The following KATNB1 variants were observed in gnomAD, a reference collection of about 807,000 sequenced individuals.
KATNB1 encodes katanin p80 WD40 repeat-containing subunit B1.
A neutral mutation model predicts 82.3 loss-of-function variants in KATNB1; 38 were observed. That is an observed-to-expected ratio of 0.46 (90% CI 0.36 to 0.61). KATNB1 has a LOEUF of 0.61. Ranked by LOEUF, KATNB1 falls within the 20% of genes least tolerant of loss-of-function variation. KATNB1 has a pLI of 0.00. For synonymous variants in KATNB1, 361 were observed against 368.7 expected, an observed-to-expected ratio of 0.98 and a Z score of 0.24; for missense variants, 749 against 915.7, an observed-to-expected ratio of 0.82 and a Z score of 2.35.
rs533002583 is a variant in KATNB1, at chr16:57,741,801, A to T, written c.155A>T (p.Lys52Met). 6 of 1,613,528 alleles carry T rather than the reference A, an allele frequency of 3.7e-6. No individual in the cohort carries two copies. In the African/African-American group the frequency reaches 8.0e-5, roughly 21 times the overall value. ...DCRVNLWSIN[K>M]PNCIMSLTGH... ...CGCGTCAACCTGTGGTCCATCAACA[A>T]GCCCAACTGCATCATGGTGAGCCCC... Residue 52 changes from lysine (K) to methionine (M), a missense_variant, in exon 3 of 20, where the codon AAG (lysine) becomes ATG (methionine). Physicochemically the swap from Lys to Met is moderately conservative, Grantham distance 95. Coordinates refer to ENST00000379661, the MANE Select transcript of KATNB1 (RefSeq NM_005886.3).
chr16:57,751,786 C>A lies in KATNB1; in HGVS notation c.516+62C>A. ...GCTGGGGTCTGCTGATCACAGCAGG[C>A]TGAGTCCTCACCTCCCTCCTGATCG... is the stretch of plus-strand genomic sequence containing the variant. On this transcript the variant is annotated intron_variant, in intron 7 of 19. Coordinates refer to ENST00000379661, the MANE Select transcript of KATNB1 (RefSeq NM_005886.3). This position sits in a 1 kb window ranked among gnomAD's most constrained non-coding sequence, Gnocchi z 6.3. The A allele has an allele frequency of 6.6e-7, 1 of 1,524,284 alleles. No homozygotes were observed. Among genetic ancestry groups the A allele is most frequent in the Non-Finnish European group, 9.0e-7 (1 of 1,107,770 alleles). The allele number at this position is 1,524,284 out of a possible 1,614,324, so 94.4% of individuals were successfully genotyped here. A position where few individuals can be genotyped will look rare whatever the true frequency, so the allele number is the denominator to read the frequency against.
chr16:57,756,571 C>T (rs910606112), intron 19 of KATNB1, 99 bp downstream of exon 19: 12 of 1,245,512 alleles, frequency 9.6e-6, no homozygotes, highest in African/African-American at 3.0e-5. Flanking sequence ...CCTGCTGGGA[C>T]AGAGTACAGA....
chr16:57,753,419 C>T lies in KATNB1; in HGVS notation c.1077C>T (p.Arg359=), dbSNP rs781897761. ...RVKQNSESER[R]SPSSEDDRDE... is the part of the protein sequence containing the mutation. ...AGCAGAACTCAGAGAGCGAGCGCCG[C>T]AGCCCCAGCAGCGAGGATGACCGGG... Residue 359 remains arginine (R), a synonymous_variant, in exon 12 of 20, where the codon CGC becomes CGT. Coordinates refer to ENST00000379661, the MANE Select transcript of KATNB1 (RefSeq NM_005886.3). 5 of 1,612,788 alleles carry T rather than the reference C, an allele frequency of 3.1e-6. No individual in the cohort carries two copies. The highest frequency in any genetic ancestry group is 1.3e-5 in the African/African-American group (1 of 74,928).
intron 2 of KATNB1, among the ~76,000 whole-genome samples, chr16:57,739,372 G>A (rs1176240720): frequency 6.6e-6 from 1 of 152,206 alleles, no homozygotes; most frequent in African/African-American, 2.4e-5. Flanking sequence ...TTGAAACCTA[G>A]TACTTTGTAT....
Position 57,755,181 on chromosome 16 carries a change from C to T in KATNB1, c.1359C>T (p.Ala453=). ...CACCTGCACCCAAGGCTGAGCCTGC[C>T]ATCATCCCTGCCACCCGGAACGAGC... ...ASTPAPKAEP[A]IIPATRNEPI... Residue 453 remains alanine, a synonymous_variant, in exon 15 of 20, where the codon GCC becomes GCT. Transcript: ENST00000379661. 1.2e-6 allele frequency: 2 copies of T among 1,612,498 alleles called. No homozygotes were observed. The highest frequency in any genetic ancestry group is 8.5e-7 in the Non-Finnish European group (1 of 1,179,944).
Position 57,756,066 on chromosome 16 carries a change from G to A in KATNB1, c.1718G>A (p.Ser573Asn). ...IEKLLQSKYE[S>N]YVQTGCTSLK... ...AAGCTTCTGCAGAGCAAGTATGAGA[G>A]GTGCGTGTGGGGAAGCCATGCCTGC... is the stretch of plus-strand genomic sequence containing the variant. The change falls in exon 18 of 20, where the codon AGC becomes AAC. Residue 573 changes from serine to asparagine, a missense_variant and splice_region_variant. Physicochemically the swap from Ser to Asn is conservative, Grantham distance 46. This residue lies in a region of KATNB1 where 95 missense variants were observed against 131.6 expected (regional missense o/e 0.72). Coordinates refer to ENST00000379661, the MANE Select transcript of KATNB1 (RefSeq NM_005886.3). The A allele has an allele frequency of 6.2e-7, 1 of 1,605,402 alleles. No homozygotes were observed. The highest frequency in any genetic ancestry group is 8.5e-7 in the Non-Finnish European group (1 of 1,179,922).
At chr16:57,738,519 G>C (rs146150734) in intron 2 of KATNB1, among the ~76,000 whole-genome samples, 141 of 152,282 alleles carry the variant, frequency 9.3e-4, no homozygotes, top group African/African-American at 3.1e-3. Context: ...GCCTCCCAAA[G>C]TGCTGGGATG....
intron 10 of KATNB1, 60 bp from the exon 11 acceptor site, chr16:57,753,017 G>C: frequency 1.9e-6 from 3 of 1,588,736 alleles, no homozygotes; most frequent in Non-Finnish European, 2.6e-6. Flanking sequence ...CCCCCACACT[G>C]GGGCTGGGAT....
In KATNB1 at chr16:57,755,931, G is replaced by C; in HGVS notation, c.1643+14G>C. 3 of 1,605,570 alleles carry C rather than the reference G, an allele frequency of 1.9e-6. No homozygotes were observed. The highest frequency in any genetic ancestry group is 2.6e-6 in the Non-Finnish European group (3 of 1,173,792). On this transcript the variant is annotated intron_variant, in intron 17 of 19. Transcript: ENST00000379661. ...CAACCAGAAAGCGTAAGTGGCTGCA[G>C]AGGGGGAGTGGGCGGAGGGGCAGGG...
intron 18 of KATNB1, 41 bp downstream of exon 18, chr16:57,756,107 G>A (rs2049275137): frequency 6.3e-7 from 1 of 1,593,372 alleles, no homozygotes; most frequent in African/African-American, 1.3e-5. Context: ...GCAGGGGGAG[G>A]GGAGAGGTAA....
At chr16:57,752,490 G>A in intron 8 of KATNB1, 40 bp from the exon 9 acceptor site, 3 of 1,539,882 alleles carry the variant, frequency 1.9e-6, no homozygotes, top group East Asian at 4.8e-5. Flanking sequence ...AGGCCAGGAT[G>A]AGGGATAGGC....
At chr16:57,741,383 A>C (rs200538104) in intron 2 of KATNB1, among the ~76,000 whole-genome samples, 6 of 152,264 alleles carry the variant, frequency 3.9e-5, no homozygotes, top group Non-Finnish European at 8.8e-5. Flanking sequence ...TCAATTTTAA[A>C]AATTGCGTAT....
chr16:57,740,212 C>T (rs781959060), intron 2 of KATNB1, among the ~76,000 whole-genome samples: 1 of 152,204 alleles, frequency 6.6e-6, no homozygotes, highest in Non-Finnish European at 1.5e-5. Context: ...GAACTCCCAG[C>T]GCCCTGGCCC....
Position 57,752,817 on chromosome 16 carries a change from C to T in KATNB1, c.744C>T (p.Ser248=), listed in dbSNP as rs782781532. 1.7e-5 allele frequency: 28 copies of T among 1,610,748 alleles called. No homozygotes were observed. Among genetic ancestry groups the T allele is most frequent in the Admixed American group, 3.3e-5 (2 of 59,864 alleles). Residue 248 remains serine (S), a synonymous_variant, in exon 10 of 20, where the codon AGC becomes AGT. Coordinates refer to ENST00000379661, the MANE Select transcript of KATNB1 (RefSeq NM_005886.3). ...LFNPDGCCLY[S]GCQDSLRVYG... ...ACCCAGACGGCTGCTGCCTGTACAG[C>T]GGCTGCCAGGACTCACTGCGTGTCT... is the stretch of plus-strand genomic sequence containing the variant.
intron 2 of KATNB1, 92 bp from the exon 3 acceptor site, chr16:57,741,595 G>A (rs1192577156): frequency 2.1e-6 from 3 of 1,408,014 alleles, no homozygotes; most frequent in Non-Finnish European, 2.9e-6. Context: ...TGGGCTTCAG[G>A]TTCCAAAGCG....
rs781911609 is a variant in KATNB1 at position 57,753,514 on chromosome 16, G to C, written c.1172G>C (p.Ser391Thr). The C allele has an allele frequency of 1.2e-5, 19 of 1,612,958 alleles. No individual in the cohort carries two copies. The highest frequency in any genetic ancestry group is 1.4e-5 in the Non-Finnish European group (17 of 1,179,850). Reference protein sequence around the residue: ...DYNEIFQPKNSISRTPPRRSE... With the variant: ...DYNEIFQPKNTISRTPPRRSE... Reference sequence around the variant, plus strand: ...AACGAGATCTTCCAGCCCAAGAACAGCATCAGTGAGGCCGGGCTCCCGCCC... The same window carrying C: ...AACGAGATCTTCCAGCCCAAGAACACCATCAGTGAGGCCGGGCTCCCGCCC... Residue 391 changes from serine (S) to threonine (T), a missense_variant, in exon 12 of 20, where the codon AGC (serine) becomes ACC (threonine). Transcript: ENST00000379661.
chr16:57,751,024 T>A lies in KATNB1; in HGVS notation c.390+97T>A. On this transcript the variant is annotated intron_variant, in intron 5 of 19. Coordinates refer to ENST00000379661, the MANE Select transcript of KATNB1 (RefSeq NM_005886.3). The surrounding 1 kb of genome is among the most constrained non-coding windows in gnomAD (Gnocchi z 6.3). Reference sequence around the variant, plus strand: ...GCTGGATGCCTGCTGAGGGGACCTCTTCCCTTTCTGCAGCCACATCCACAC... The same window carrying A: ...GCTGGATGCCTGCTGAGGGGACCTCATCCCTTTCTGCAGCCACATCCACAC... 9.6e-7 allele frequency: 1 copy of A among 1,038,338 alleles called. No homozygotes were observed. The highest frequency in any genetic ancestry group is 1.3e-5 in the South Asian group (1 of 77,670). 64.3% of individuals were successfully genotyped at this position (1,038,338 alleles called of 1,614,324 possible).
intron 1 of KATNB1, among the ~76,000 whole-genome samples, chr16:57,736,425 T>C (rs1205027853): frequency 3.3e-5 from 5 of 152,094 alleles, no homozygotes; most frequent in African/African-American, 1.2e-4. Flanking sequence ...TGAAGAGTCA[T>C]AGCCACTTAC....
chr16:57,740,289 C>T (rs570418056), intron 2 of KATNB1, among the ~76,000 whole-genome samples: 3 of 152,320 alleles, frequency 2.0e-5, no homozygotes, highest in South Asian at 2.1e-4. Flanking sequence ...CTGCCCCGAC[C>T]GGCCCAGGAG....
Sources: gnomAD v4.1 joint callset for allele counts (sites outside exome capture counted in the v4.1 genomes callset) on GRCh38, gnomAD v4.1.1 for gene constraint, gnomAD v4.1.1 regional missense constraint, Gnocchi (gnomAD v3.1) non-coding constraint, MANE v1.5 for transcripts, NCBI Gene and HGNC (gene_info 2026-07-23, HGNC 2026-07-21) for gene names.